Variants in XK observed in about 807,000 individuals in gnomAD.
XK encodes endoplasmic reticulum membrane adapter protein XK.
XK carries 2 observed loss-of-function variants against 14.0 expected under a neutral mutation model. The ratio of observed to expected loss-of-function variants is 0.14; its 90% CI spans 0.06 to 0.45. The LOEUF (loss-of-function observed/expected upper bound fraction) is 0.45, where lower values mean the gene tolerates loss of function less well. XK is among the 20% of genes least tolerant of loss of function. XK has a pLI of 0.98. For synonymous variants in XK, 149 were observed against 147.5 expected, an observed-to-expected ratio of 1.01 and a Z score of -0.08; for missense variants, 235 against 341.5, an observed-to-expected ratio of 0.69 and a Z score of 2.46.
intron 2 of XK, among the ~76,000 whole-genome samples, chrX:37,701,932 C>G (rs1392360148): frequency 8.9e-6 from 1 of 111,825 alleles, no homozygotes; most frequent in Admixed American, 9.5e-5. Flanking sequence ...CTCCTCCTGC[C>G]TTGTGACTCG....
chrX:37,720,191 C>A (rs782360623), intron 2 of XK, among the ~76,000 whole-genome samples: 56 of 110,989 alleles, frequency 5.0e-4, no homozygotes, highest in Non-Finnish European at 8.9e-4. Flanking sequence ...TCTTAGTACT[C>A]ATTTTCATTT....
At chrX:37,707,641 G>C (rs1408473835) in intron 2 of XK, among the ~76,000 whole-genome samples, 1 of 109,177 alleles carries the variant, frequency 9.2e-6, no homozygotes, top group African/African-American at 3.4e-5. Context: ...CCACATCTCA[G>C]ACAATGGGCG....
chrX:37,710,534 A>T (rs1326102115), intron 2 of XK, among the ~76,000 whole-genome samples: 4 of 111,867 alleles, frequency 3.6e-5, no homozygotes, highest in Non-Finnish European at 7.5e-5. Context: ...GGTGGCTCAC[A>T]CCTGTAATCT....
intron 2 of XK, among the ~76,000 whole-genome samples, chrX:37,711,806 G>A (rs1556446784): frequency 9.0e-6 from 1 of 111,401 alleles, no homozygotes; most frequent in Non-Finnish European, 1.9e-5. Context: ...AGACAGCTAG[G>A]TTCATCCAGG....
At chrX:37,698,284 G>C (rs1927340655) in intron 2 of XK, among the ~76,000 whole-genome samples, 1 of 110,960 alleles carries the variant, frequency 9.0e-6, no homozygotes, top group Admixed American at 9.6e-5. Flanking sequence ...CCCTGAGGTA[G>C]ATAATATTAT....
At chrX:37,719,203 C>T (rs919229151) in intron 2 of XK, among the ~76,000 whole-genome samples, 2 of 111,567 alleles carry the variant, frequency 1.8e-5, no homozygotes, top group Non-Finnish European at 3.8e-5. Context: ...TATTGTTACT[C>T]GTTTGAAGTT....
chrX:37,704,503 C>G (rs7067148), intron 2 of XK, among the ~76,000 whole-genome samples: 19,015 of 110,283 alleles, frequency 0.17, 1,196 homozygotes, highest in South Asian at 0.2. Flanking sequence ...CACCACTGCA[C>G]TCTAGCCTGG....
rs1386461267 is a variant in XK, at chrX:37,729,230, A to T, written c.*768A>T. 1 of 111,471 alleles carries T rather than the reference A, an allele frequency of 9.0e-6. No homozygotes were observed. The highest frequency in any genetic ancestry group is 3.3e-5 in the African/African-American group (1 of 30,648). 9.2% of individuals were successfully genotyped at this position (111,471 alleles called of 1,213,427 possible). A position where few individuals can be genotyped will look rare whatever the true frequency, so the allele number is the denominator to read the frequency against. On this transcript the variant is annotated 3_prime_UTR_variant, in exon 3 of 3. Coordinates refer to ENST00000378616, the MANE Select transcript of XK (RefSeq NM_021083.4). The stretch of plus-strand genomic sequence containing the variant: ...AAACATCAAAATGATGGCGACTTGT[A>T]TAAGTAGAATTCTTACCATCTTACT...
chrX:37,731,874 A>G lies in XK; in HGVS notation c.*3412A>G, dbSNP rs1928097207. The G allele has an allele frequency of 8.9e-6, 1 of 112,394 alleles. No homozygotes were observed. Among genetic ancestry groups the G allele is most frequent in the South Asian group, 3.6e-4 (1 of 2,749 alleles). The allele number at this position is 112,394 out of a possible 1,213,427, so 9.3% of individuals were successfully genotyped here. On this transcript the variant is annotated 3_prime_UTR_variant, in exon 3 of 3. Transcript: ENST00000378616. ...TACAACTTGAATGCTGATTCAAGGCATTATTTGGATGTGAGTTTAATCTTT... is the reference window on the plus strand; with the variant it reads ...TACAACTTGAATGCTGATTCAAGGCGTTATTTGGATGTGAGTTTAATCTTT...
At chrX:37,697,409 G>A (rs1348301116) in intron 2 of XK, among the ~76,000 whole-genome samples, 1 of 111,913 alleles carries the variant, frequency 8.9e-6, no homozygotes, top group East Asian at 2.8e-4. Context: ...AAAATGAATA[G>A]GCAACTGACA....
intron 2 of XK, among the ~76,000 whole-genome samples, chrX:37,700,076 AGGT>A (rs1262331686): frequency 1.8e-5 from 2 of 111,913 alleles, no homozygotes; most frequent in Non-Finnish European, 3.8e-5. Flanking sequence ...GCTTTCTGCG[AGGT>A]CAGTATGCCC....
chrX:37,690,435 C>G (rs1397523892), intron 1 of XK, among the ~76,000 whole-genome samples: 1 of 112,335 alleles, frequency 8.9e-6, no homozygotes, highest in African/African-American at 3.2e-5. Flanking sequence ...TCTGGTACCA[C>G]AGATTATTTA....
At chrX:37,707,127 G>C (rs1333257977) in intron 2 of XK, among the ~76,000 whole-genome samples, 1 of 112,485 alleles carries the variant, frequency 8.9e-6, no homozygotes, top group Non-Finnish European at 1.9e-5. Flanking sequence ...ATCATGGCCC[G>C]TTCTCAATGA....
intron 2 of XK, among the ~76,000 whole-genome samples, chrX:37,719,010 C>T (rs1927818818): frequency 9.0e-6 from 1 of 111,383 alleles, no homozygotes. Context: ...TGAAATACTA[C>T]TTTTAACATC....
At chrX:37,686,245 C>A in intron 1 of XK, 39 bp downstream of exon 1, 1 of 1,196,258 alleles carries the variant, frequency 8.4e-7, no homozygotes, top group South Asian at 1.8e-5. Context: ...AGGCCGCAGC[C>A]TCGGTCCTGT....
chrX:37,691,116 G>A lies in XK; in HGVS notation c.246-3170G>A, dbSNP rs1215168655. 2.7e-5 allele frequency among the ~76,000 whole-genome samples: 3 copies of A among 112,279 alleles called. No homozygotes were observed. The East Asian group carries it at 8.4e-4, about 31-fold the overall frequency. On this transcript the variant is annotated intron_variant, in intron 1 of 2. Coordinates refer to ENST00000378616, the MANE Select transcript of XK (RefSeq NM_021083.4). The stretch of plus-strand genomic sequence containing the variant: ...GTGGCTTACAAGAGGTTCCGCCTGA[G>A]CTTTAGGACCTTCTTTCATTTCCAT...
chrX:37,695,633 A>T (rs186252790), intron 2 of XK, among the ~76,000 whole-genome samples: 2 of 112,060 alleles, frequency 1.8e-5, no homozygotes, highest in East Asian at 5.6e-4. Context: ...AACATTGAAG[A>T]TAAGAAAGAC....
chrX:37,695,172 G>C (rs1450184764), intron 2 of XK, among the ~76,000 whole-genome samples: 2 of 112,222 alleles, frequency 1.8e-5, no homozygotes, highest in Admixed American at 1.9e-4. Context: ...AAATACCACT[G>C]TGGCCATTTT....
At chrX:37,688,055 CTTTCT>C (rs1325314688) in intron 1 of XK, among the ~76,000 whole-genome samples, 120 of 62,191 alleles carry the variant, frequency 1.9e-3, no homozygotes, top group African/African-American at 8.5e-3. Flanking sequence ...TTCTTTCTTT[CTTTCT>C]TTTTTTTTTT....
Sources: allele counts gnomAD v4.1 joint callset (sites outside exome capture counted in the v4.1 genomes callset), GRCh38; gene constraint gnomAD v4.1.1; transcripts MANE v1.5; gene names NCBI Gene and HGNC (gene_info 2026-07-23, HGNC 2026-07-21).